The following NBEA variants were observed in gnomAD, a reference collection of about 807,000 sequenced individuals.
NBEA encodes neurobeachin.
In NBEA, 44 loss-of-function variants were observed where a neutral mutation model predicts 343.4. The ratio of observed to expected loss-of-function variants is 0.13; its 90% CI spans 0.10 to 0.16. The LOEUF (loss-of-function observed/expected upper bound fraction) is 0.16. NBEA is among the 10% of genes least tolerant of loss of function. The pLI is 1.00. For synonymous variants in NBEA, 1,175 were observed against 1,238.7 expected (o/e 0.95, Z 1.08); for missense variants, 2,555 against 3,631.3 (o/e 0.70, Z 7.62).
chr13:35,179,438 C>T (rs1416818027), intron 28 of NBEA, among the ~76,000 whole-genome samples: 2 of 151,258 alleles, frequency 1.3e-5, no homozygotes, highest in Non-Finnish European at 3.0e-5. Context: ...AAAATTTAGT[C>T]ATTCCCCAGA....
chr13:35,353,196 G>A (rs2040288326), intron 38 of NBEA, among the ~76,000 whole-genome samples: 1 of 152,130 alleles, frequency 6.6e-6, no homozygotes, highest in Non-Finnish European at 1.5e-5. Context: ...AGCACTTTGG[G>A]AGGCCAAGGC....
At chr13:34,961,425 T>G (rs2059657635) in intron 1 of NBEA, among the ~76,000 whole-genome samples, 1 of 152,088 alleles carries the variant, frequency 6.6e-6, no homozygotes, top group Non-Finnish European at 1.5e-5. Context: ...TATATTTAGC[T>G]CACAGATGAT....
chr13:34,978,583 C>G (rs1248074512), intron 1 of NBEA, among the ~76,000 whole-genome samples: 1 of 152,114 alleles, frequency 6.6e-6, no homozygotes, highest in Non-Finnish European at 1.5e-5. Context: ...TATAGTCATC[C>G]CAGAGAGTTC....
At chr13:35,251,015 A>G (rs2031890639) in intron 34 of NBEA, 1 of 155,182 alleles carries the variant, frequency 6.4e-6, no homozygotes, top group Non-Finnish European at 1.4e-5. Context: ...TGTGGACATC[A>G]GAATGGAAGC....
At chr13:35,252,664 T>C (rs75672904) in intron 34 of NBEA, among the ~76,000 whole-genome samples, 3,554 of 152,184 alleles carry the variant, frequency 0.023, 93 homozygotes, top group African/African-American at 0.063. Context: ...GCCTCAGTTT[T>C]ACTAGCTGTC....
intron 49 of NBEA, among the ~76,000 whole-genome samples, chr13:35,643,133 A>AAATT (rs1273485579): frequency 1.3e-5 from 2 of 151,988 alleles, no homozygotes; most frequent in Admixed American, 6.6e-5. Flanking sequence ...TTTTAAGGGA[A>AAATT]AATTTCTATA....
At chr13:35,627,836 A>G (rs375714794) in intron 48 of NBEA, among the ~76,000 whole-genome samples, 1 of 152,154 alleles carries the variant, frequency 6.6e-6, no homozygotes, top group African/African-American at 2.4e-5. Flanking sequence ...GAGAAAGTTT[A>G]GCATTTTAGA....
chr13:35,548,082 A>G (rs772360699), intron 41 of NBEA, among the ~76,000 whole-genome samples: 5 of 152,146 alleles, frequency 3.3e-5, no homozygotes, highest in Non-Finnish European at 7.3e-5. Flanking sequence ...AGAACAGAGA[A>G]GAAAAAACAC....
intron 38 of NBEA, among the ~76,000 whole-genome samples, chr13:35,391,551 T>C (rs1047025045): frequency 7.9e-5 from 12 of 152,228 alleles, no homozygotes; most frequent in African/African-American, 2.9e-4. Flanking sequence ...CTTGCTTTGC[T>C]ATTTAGTTGC....
At chr13:35,251,598 G>A (rs2031966160) in intron 34 of NBEA, 4 of 1,228,832 alleles carry the variant, frequency 3.3e-6, no homozygotes, top group Admixed American at 2.5e-5. Flanking sequence ...AAGCCAAACA[G>A]GTAGCTCAGC....
At chr13:35,191,648 T>C (rs1039649949) in intron 30 of NBEA, among the ~76,000 whole-genome samples, 1 of 152,086 alleles carries the variant, frequency 6.6e-6, no homozygotes, top group African/African-American at 2.4e-5. Flanking sequence ...ACAAAATGTG[T>C]AAGTTAGTTA....
At chr13:35,102,736 T>C (rs1351659668) in intron 11 of NBEA, among the ~76,000 whole-genome samples, 1 of 151,888 alleles carries the variant, frequency 6.6e-6, no homozygotes, top group Admixed American at 6.6e-5. Flanking sequence ...TGTTGAACTT[T>C]TATATACCAG....
intron 1 of NBEA, among the ~76,000 whole-genome samples, chr13:34,959,391 A>G (rs1465813501): frequency 2.0e-5 from 3 of 152,082 alleles, no homozygotes; most frequent in East Asian, 1.9e-4. Flanking sequence ...CAGTCTTTCA[A>G]TACTGGACTA....
chr13:34,944,242 C>T (rs1240820361), intron 1 of NBEA, among the ~76,000 whole-genome samples: 2 of 152,150 alleles, frequency 1.3e-5, no homozygotes, highest in Non-Finnish European at 2.9e-5. Flanking sequence ...AATATGCTTA[C>T]AGGGGTACTT....
chr13:35,287,518 A>T (rs1365863784), intron 34 of NBEA, among the ~76,000 whole-genome samples: 1 of 151,132 alleles, frequency 6.6e-6, no homozygotes, highest in African/African-American at 2.5e-5. Context: ...ACACTCTTAT[A>T]GTCTATTCAT....
intron 48 of NBEA, among the ~76,000 whole-genome samples, chr13:35,616,878 C>T (rs543169357): frequency 6.6e-6 from 1 of 152,296 alleles, no homozygotes; most frequent in South Asian, 2.1e-4. Context: ...TGCTGATAAG[C>T]AGACTTTATT....
At chr13:35,435,993 C>G (rs1206896857) in intron 39 of NBEA, among the ~76,000 whole-genome samples, 1 of 150,964 alleles carries the variant, frequency 6.6e-6, no homozygotes, top group Non-Finnish European at 1.5e-5. Flanking sequence ...AAAGCTATTT[C>G]AAATTATTCG....
At chr13:35,352,359 TA>T in intron 38 of NBEA, 36 bp downstream of exon 38, 1 of 1,217,206 alleles carries the variant, frequency 8.2e-7, no homozygotes, top group Non-Finnish European at 1.1e-6. Context: ...TAATAATTCA[TA>T]GGTTAATTAT....
chr13:35,330,011 A>T (rs2038823927), intron 36 of NBEA, among the ~76,000 whole-genome samples: 1 of 151,948 alleles, frequency 6.6e-6, no homozygotes, highest in South Asian at 2.1e-4. Context: ...TTCTCAGTAA[A>T]TTATTGTTCA....
Sources: gnomAD v4.1 joint callset for allele counts (sites outside exome capture counted in the v4.1 genomes callset) on GRCh38, gnomAD v4.1.1 for gene constraint, MANE v1.5 for transcripts, NCBI Gene and HGNC (gene_info 2026-07-23, HGNC 2026-07-21) for gene names.